FOCAD: variants seen among roughly 807,000 people sequenced by gnomAD.
FOCAD encodes the protein focadhesin, also known as KIAA1797.
In FOCAD, 198 loss-of-function variants were observed where a neutral mutation model predicts 225.6. The observed-to-expected ratio is 0.88, with a 90% CI of 0.78 to 0.99. The LOEUF (loss-of-function observed/expected upper bound fraction) is 0.99, where lower values mean the gene tolerates loss of function less well. Among genes scored for constraint, FOCAD ranks in the 50% least tolerant of loss-of-function variants. The pLI is 0.00. For synonymous variants in FOCAD, 897 were observed against 755.0 expected (o/e 1.19, Z -3.08); for missense variants, 2,713 against 2,123.6 (o/e 1.28, Z -5.46).
At chr9:20,827,908 C>G (rs1000965400) in intron 15 of FOCAD, among the ~76,000 whole-genome samples, 1 of 151,952 alleles carries the variant, frequency 6.6e-6, no homozygotes, top group African/African-American at 2.4e-5. Context: ...CGTGTTGGTT[C>G]ACACCTGTAA....
intron 36 of FOCAD, 63 bp downstream of exon 36, chr9:20,976,611 A>G (rs1840256394): frequency 6.5e-7 from 1 of 1,536,100 alleles, no homozygotes; most frequent in African/African-American, 1.4e-5. Context: ...GAATGGAAAA[A>G]CAGATTCTGT....
intron 35 of FOCAD, among the ~76,000 whole-genome samples, chr9:20,973,902 C>T (rs10964773): frequency 9.2e-6 from 1 of 108,322 alleles, no homozygotes; most frequent in South Asian, 3.2e-4. Flanking sequence ...CCTACTTCCC[C>T]CTACTTTCAG....
chr9:20,874,832 A>T (rs757971741), intron 19 of FOCAD, 25 bp downstream of exon 19: 1 of 1,612,288 alleles, frequency 6.2e-7, no homozygotes, highest in Non-Finnish European at 8.5e-7. Flanking sequence ...GTAGTAGAGA[A>T]GCTAGCATTT....
intron 22 of FOCAD, among the ~76,000 whole-genome samples, chr9:20,908,134 GA>G (rs1392286034): frequency 1.3e-5 from 2 of 152,022 alleles, no homozygotes; most frequent in African/African-American, 4.8e-5. Flanking sequence ...AACAATACAA[GA>G]AAACAACTAG....
chr9:20,797,860 C>T (rs551169935), intron 11 of FOCAD, among the ~76,000 whole-genome samples: 76 of 152,224 alleles, frequency 5.0e-4, no homozygotes, highest in Non-Finnish European at 8.1e-4. Context: ...CCTGATTGCC[C>T]TGGCCAGAAC....
chr9:20,802,239 T>C (rs951285476), intron 11 of FOCAD, among the ~76,000 whole-genome samples: 3 of 152,110 alleles, frequency 2.0e-5, no homozygotes, highest in Non-Finnish European at 2.9e-5. Flanking sequence ...TACTTCTACA[T>C]TGAAAACAAT....
rs566784794 is a variant in FOCAD, at chr9:20,993,331, A to G, written c.5332+3A>G. ...ACAGTCCAGGGATCTTTTGAAAGGT[A>G]TTACTTCCATGTTTTATGCTCAACA... On this transcript the variant is annotated splice_donor_region_variant and intron_variant, in intron 43 of 43. Transcript: ENST00000338382. 11 of 1,610,966 alleles carry G rather than the reference A, an allele frequency of 6.8e-6. No individual in the cohort carries two copies. Among genetic ancestry groups the G allele is most frequent in the South Asian group, 2.2e-5 (2 of 90,990 alleles).
intron 11 of FOCAD, among the ~76,000 whole-genome samples, chr9:20,792,657 A>G (rs1820653558): frequency 6.6e-6 from 1 of 152,160 alleles, no homozygotes; most frequent in Admixed American, 6.5e-5. Flanking sequence ...TGTTAAGTCT[A>G]GTTAAAGGTC....
chr9:20,981,495 C>G lies in FOCAD; in HGVS notation c.4447C>G (p.Leu1483Val). ...AAAACACATCTCTGATGAACAGATC[C>G]TGGGTTTTGTTGAAAATTTAATGGT... ...WIKHISDEQI[L>V]GFVENLMVAV... The change falls in exon 38 of 44, where the codon CTG becomes GTG. Residue 1483 changes from leucine to valine, a missense_variant. Leu to Val is a conservative substitution (Grantham distance 32, BLOSUM62 1). Coordinates refer to ENST00000338382, the MANE Select transcript of FOCAD (RefSeq NM_001375567.1). 1 of 1,614,050 alleles carries G rather than the reference C, an allele frequency of 6.2e-7. No homozygotes were observed. Among genetic ancestry groups the G allele is most frequent in the Non-Finnish European group, 8.5e-7 (1 of 1,179,990 alleles).
chr9:20,769,351 T>C (rs578085120), intron 7 of FOCAD, among the ~76,000 whole-genome samples: 1 of 152,318 alleles, frequency 6.6e-6, no homozygotes, highest in South Asian at 2.1e-4. Context: ...AGATGGTCCG[T>C]TGTTTGTAAT....
intron 11 of FOCAD, among the ~76,000 whole-genome samples, chr9:20,800,752 AT>A (rs550528663): frequency 6.6e-6 from 1 of 151,694 alleles, no homozygotes; most frequent in South Asian, 2.1e-4. Context: ...CATTCGTCTA[AT>A]TTTTTTTCAA....
intron 2 of FOCAD, among the ~76,000 whole-genome samples, chr9:20,677,527 TA>T (rs1217386599): frequency 6.6e-6 from 1 of 152,072 alleles, no homozygotes; most frequent in African/African-American, 2.4e-5. Flanking sequence ...AAAAACCAAA[TA>T]ACCTTATTAA....
At chr9:20,695,695 G>T (rs1823314322) in intron 1 of FOCAD, among the ~76,000 whole-genome samples, 1 of 152,136 alleles carries the variant, frequency 6.6e-6, no homozygotes. Flanking sequence ...CTCCTTCTCT[G>T]TATCTTACTG....
chr9:20,923,428 G>A (rs1273175468), intron 24 of FOCAD, among the ~76,000 whole-genome samples: 2 of 152,124 alleles, frequency 1.3e-5, no homozygotes, highest in African/African-American at 4.8e-5. Context: ...TTTAAGTTAT[G>A]AAAAGGCATA....
intron 35 of FOCAD, among the ~76,000 whole-genome samples, chr9:20,966,418 C>G (rs540518745): frequency 4.6e-5 from 7 of 151,796 alleles, no homozygotes; most frequent in African/African-American, 1.7e-4. Flanking sequence ...TTTGTATATT[C>G]TGGAAAATAG....
At chr9:20,989,120 T>A (rs924623683) in intron 41 of FOCAD, among the ~76,000 whole-genome samples, 2 of 152,202 alleles carry the variant, frequency 1.3e-5, no homozygotes, top group Admixed American at 1.3e-4. Context: ...AGCAGAATTT[T>A]TTTTCTGTAG....
At chr9:20,914,376 A>G (rs1238941386) in intron 23 of FOCAD, among the ~76,000 whole-genome samples, 2 of 152,162 alleles carry the variant, frequency 1.3e-5, no homozygotes, top group Non-Finnish European at 1.5e-5. Context: ...AACAAATGGA[A>G]TATGATAGAA....
At chr9:20,798,489 G>A (rs1821392255) in intron 11 of FOCAD, among the ~76,000 whole-genome samples, 1 of 151,994 alleles carries the variant, frequency 6.6e-6, no homozygotes, top group Non-Finnish European at 1.5e-5. Flanking sequence ...GACTTTTTTT[G>A]GTTGGTAAGC....
At chr9:20,789,832 A>T (rs1181764594) in intron 11 of FOCAD, among the ~76,000 whole-genome samples, 1 of 151,804 alleles carries the variant, frequency 6.6e-6, no homozygotes, top group African/African-American at 2.4e-5. Flanking sequence ...AGCACACTTC[A>T]CAACGAAATC....
Sources: allele counts gnomAD v4.1 joint callset (sites outside exome capture counted in the v4.1 genomes callset), GRCh38; gene constraint gnomAD v4.1.1; transcripts MANE v1.5; gene names NCBI Gene and HGNC (gene_info 2026-07-23, HGNC 2026-07-21).